Variants in PREX2 observed in about 807,000 individuals in gnomAD.
PREX2 encodes phosphatidylinositol 3,4,5-trisphosphate-dependent Rac exchanger 2 protein.
In PREX2, 107 loss-of-function variants were observed where a neutral mutation model predicts 203.2. That is an observed-to-expected ratio of 0.53 (90% CI 0.45 to 0.62). The LOEUF (loss-of-function observed/expected upper bound fraction) is 0.62, where lower values mean the gene tolerates loss of function less well. Ranked by LOEUF, PREX2 falls within the 20% of genes least tolerant of loss-of-function variation. PREX2 has a pLI of 0.00. For synonymous variants in PREX2, 672 were observed against 663.6 expected, an observed-to-expected ratio of 1.01 and a Z score of -0.19; for missense variants, 1,777 against 1,955.9, an observed-to-expected ratio of 0.91 and a Z score of 1.72.
chr8:68,228,641 C>T (rs140597705), intron 39 of PREX2, among the ~76,000 whole-genome samples: 2,099 of 152,030 alleles, frequency 0.014, 67 homozygotes, highest in African/African-American at 0.048. Context: ...TGGCATGCTC[C>T]TGTAGTCCCA....
chr8:67,985,002 G>GTT (rs1223227787), intron 1 of PREX2, among the ~76,000 whole-genome samples: 4 of 144,996 alleles, frequency 2.8e-5, no homozygotes, highest in African/African-American at 2.5e-5. Flanking sequence ...AAGTACACAA[G>GTT]TTTTTTTTTT....
chr8:68,057,775 C>T (rs954912187), intron 10 of PREX2, among the ~76,000 whole-genome samples: 1 of 152,162 alleles, frequency 6.6e-6, no homozygotes, highest in Non-Finnish European at 1.5e-5. Context: ...AATTAGCCAC[C>T]AGGGGTCATT....
intron 11 of PREX2, 29 bp downstream of exon 11, chr8:68,060,808 T>A (rs1563523864): frequency 1.4e-6 from 2 of 1,408,794 alleles, no homozygotes; most frequent in Non-Finnish European, 2.0e-6. Flanking sequence ...ATTACTTATT[T>A]AATGCATTTA....
chr8:67,956,768 C>T (rs915133328), intron 1 of PREX2, among the ~76,000 whole-genome samples: 16 of 152,160 alleles, frequency 1.1e-4, no homozygotes, highest in African/African-American at 3.9e-4. Flanking sequence ...CCTGGCAAAC[C>T]AGAATGCATG....
At chr8:67,989,706 A>G (rs11988158) in intron 1 of PREX2, among the ~76,000 whole-genome samples, 6,617 of 152,228 alleles carry the variant, frequency 0.043, 451 homozygotes, top group African/African-American at 0.14. Flanking sequence ...TAATTATTCA[A>G]TGTGTTATTG....
At chr8:68,072,686 C>A in intron 14 of PREX2, 116 bp downstream of exon 14, 1 of 612,228 alleles carries the variant, frequency 1.6e-6, no homozygotes, top group Non-Finnish European at 2.9e-6. Flanking sequence ...AAAAGAAGTA[C>A]ATACAACTAA....
At chr8:67,987,336 A>G (rs1806464283) in intron 1 of PREX2, among the ~76,000 whole-genome samples, 1 of 152,100 alleles carries the variant, frequency 6.6e-6, no homozygotes, top group Admixed American at 6.5e-5. Flanking sequence ...CAGAACCACT[A>G]TTAGCACCAT....
intron 25 of PREX2, among the ~76,000 whole-genome samples, chr8:68,114,627 TC>T (rs1273336509): frequency 3.3e-5 from 5 of 152,228 alleles, no homozygotes; most frequent in Non-Finnish European, 7.3e-5. Context: ...TCAGCAGGTT[TC>T]ACACAGTTCA....
chr8:68,050,856 A>G (rs1046301284), intron 8 of PREX2, among the ~76,000 whole-genome samples: 9 of 152,138 alleles, frequency 5.9e-5, no homozygotes, highest in African/African-American at 1.9e-4. Flanking sequence ...AGTCTGGGGA[A>G]TATATAAGTA....
chr8:68,114,532 C>T (rs1381782169), intron 25 of PREX2, among the ~76,000 whole-genome samples: 1 of 152,018 alleles, frequency 6.6e-6, no homozygotes, highest in Non-Finnish European at 1.5e-5. Flanking sequence ...CCATTTTTGC[C>T]TAATTTTGAG....
intron 38 of PREX2, among the ~76,000 whole-genome samples, chr8:68,222,157 G>A (rs1012077010): frequency 1.3e-5 from 2 of 152,092 alleles, no homozygotes; most frequent in East Asian, 3.9e-4. Flanking sequence ...TTGTAAATTA[G>A]CCCTGCCTGC....
At chr8:68,100,830 T>C (rs757448587) in intron 23 of PREX2, among the ~76,000 whole-genome samples, 1 of 152,124 alleles carries the variant, frequency 6.6e-6, no homozygotes, top group Non-Finnish European at 1.5e-5. Flanking sequence ...CATGCTTTTG[T>C]AGGAATGGAT....
chr8:68,158,153 A>G (rs1415165960), intron 35 of PREX2, among the ~76,000 whole-genome samples: 1 of 150,064 alleles, frequency 6.7e-6, no homozygotes, highest in African/African-American at 2.4e-5. Flanking sequence ...ATATGAATAT[A>G]TATGTGTATA....
In PREX2 at chr8:68,220,318, T is replaced by C. The variant is rs547855539; in HGVS notation, c.4707+2600T>C. 5 of 152,316 alleles carry C rather than the reference T, an allele frequency of 3.3e-5. No homozygotes were observed. The East Asian group carries it at 9.7e-4, about 29-fold the overall frequency. 9.4% of individuals were successfully genotyped at this position (152,316 alleles called of 1,614,324 possible). A position where few individuals can be genotyped will look rare whatever the true frequency, so the allele number is the denominator to read the frequency against. ...TAACAACCTTGGGCAGCACTTTATG[T>C]AACCAGCTGATTTGATTAATAAAAG... is the stretch of plus-strand genomic sequence containing the variant. On this transcript the variant is annotated intron_variant, in intron 38 of 39. Coordinates refer to ENST00000288368, the MANE Select transcript of PREX2 (RefSeq NM_024870.4).
intron 6 of PREX2, among the ~76,000 whole-genome samples, chr8:68,035,798 T>G (rs545050404): frequency 2.0e-5 from 3 of 152,280 alleles, no homozygotes; most frequent in African/African-American, 7.2e-5. Flanking sequence ...CACTAATTCT[T>G]GAAGCCTGCT....
chr8:68,108,321 T>G lies in PREX2; in HGVS notation c.2928T>G (p.Ser976=). 6.2e-7 allele frequency: 1 copy of G among 1,613,032 alleles called. No homozygotes were observed. The highest frequency in any genetic ancestry group is 1.1e-5 in the South Asian group (1 of 90,950). Residue 976 remains serine (S), a synonymous_variant, in exon 24 of 40, where the codon TCT becomes TCG. Coordinates refer to ENST00000288368, the MANE Select transcript of PREX2 (RefSeq NM_024870.4). ...ATTCTCATGATAAAGAAAACAAATCTTCGGAGCAAGGTATGCTAGCTTTTG... is the reference window on the plus strand; with the variant it reads ...ATTCTCATGATAAAGAAAACAAATCGTCGGAGCAAGGTATGCTAGCTTTTG... ...KHNSHDKENK[S]SEQGKLSPMV...
At chr8:68,184,241 T>C (rs1812143043) in intron 35 of PREX2, among the ~76,000 whole-genome samples, 1 of 152,138 alleles carries the variant, frequency 6.6e-6, no homozygotes. Flanking sequence ...ATACAAGAGA[T>C]CAGTGTCTCT....
chr8:67,969,693 C>G (rs1460324053), intron 1 of PREX2, among the ~76,000 whole-genome samples: 2 of 152,178 alleles, frequency 1.3e-5, no homozygotes, highest in African/African-American at 2.4e-5. Context: ...GCTGCTGGGA[C>G]CTTCCTCATA....
At chr8:68,126,045 A>T (rs1456323372) in intron 30 of PREX2, among the ~76,000 whole-genome samples, 3 of 152,122 alleles carry the variant, frequency 2.0e-5, no homozygotes, top group Non-Finnish European at 4.4e-5. Context: ...GCCATTTTTC[A>T]GTGGGGCTTT....
Sources: allele counts gnomAD v4.1 joint callset (sites outside exome capture counted in the v4.1 genomes callset), GRCh38; gene constraint gnomAD v4.1.1; transcripts MANE v1.5; gene names NCBI Gene and HGNC (gene_info 2026-07-23, HGNC 2026-07-21).